Variants in OPTN observed in about 807,000 individuals in gnomAD.
OPTN encodes the protein E3-14.7K-interacting protein.
In OPTN, 54 loss-of-function variants were observed where a neutral mutation model predicts 70.4. The ratio of observed to expected loss-of-function variants is 0.77; its 90% confidence interval spans 0.62 to 0.96. The LOEUF (loss-of-function observed/expected upper bound fraction) is 0.96. OPTN is among the 40% of genes least tolerant of loss of function. The pLI is 0.00. For missense variants in OPTN, 624 were observed against 673.2 expected, an observed-to-expected ratio of 0.93 and a Z score of 0.81; for synonymous variants, 256 against 248.5, an observed-to-expected ratio of 1.03 and a Z score of -0.28.
chr10:13,101,694 G>A (rs936354573), intron 1 of OPTN, among the ~76,000 whole-genome samples: 28 of 152,164 alleles, frequency 1.8e-4, no homozygotes, highest in African/African-American at 6.3e-4. Flanking sequence ...TGTGTATGAG[G>A]AGCATTAGAA....
chr10:13,126,065 A>T (rs1394799126), intron 11 of OPTN, 26 bp downstream of exon 11: 1 of 1,333,838 alleles, frequency 7.5e-7, no homozygotes. Flanking sequence ...AATTACTTCC[A>T]TAGCCTAGTA....
At position 13,109,743 on chromosome 10, in the gene OPTN, G is replaced by C. The variant is rs116482974; in HGVS notation, c.166+455G>C. 528 of 170,486 alleles carry C rather than the reference G, an allele frequency of 3.1e-3. 4 individuals are homozygous for C. The highest frequency in any genetic ancestry group is 0.012 in the African/African-American group (507 of 41,130). 10.6% of individuals were successfully genotyped at this position (170,486 alleles called of 1,614,324 possible). ...CTAGCTACTGGGGATGCTGAGGTTGGAGGATTGCTTGAGCCTGGGAAGTTG... is the reference window on the plus strand; with the variant it reads ...CTAGCTACTGGGGATGCTGAGGTTGCAGGATTGCTTGAGCCTGGGAAGTTG... On this transcript the variant is annotated intron_variant, in intron 3 of 14. Transcript: ENST00000378747.
At chr10:13,115,253 T>A (rs371338705) in intron 5 of OPTN, among the ~76,000 whole-genome samples, 12 of 10,624 alleles carry the variant, frequency 1.1e-3, no homozygotes, top group African/African-American at 1.7e-3. Context: ...ATATCTATAT[T>A]TATATCTATA....
At chr10:13,121,113 A>G (rs1212819314) in intron 7 of OPTN, among the ~76,000 whole-genome samples, 1 of 151,640 alleles carries the variant, frequency 6.6e-6, no homozygotes. Context: ...GGGGATTACA[A>G]TTCAAGATGA....
rs1469731342 is a variant in OPTN, at chr10:13,110,484, G to A, written c.369+8G>A. ...TCAGAAAGGTCATCTGAGGTGAGCA[G>A]ACCGATCCATTGTGATGTTGTTTTT... On this transcript the variant is annotated splice_region_variant and intron_variant, in intron 4 of 14. Coordinates refer to ENST00000378747, the MANE Select transcript of OPTN (RefSeq NM_001008212.2). The A allele has an allele frequency of 1.2e-6, 2 of 1,605,352 alleles. No individual in the cohort carries two copies. Among genetic ancestry groups the A allele is most frequent in the South Asian group, 2.2e-5 (2 of 90,280 alleles).
chr10:13,110,371 A>G lies in OPTN; in HGVS notation c.264A>G (p.Ile88Met). Residue 88 changes from isoleucine to methionine, a missense_variant, in exon 4 of 15, where the codon ATA (isoleucine) becomes ATG (methionine). By Grantham distance (10) the Ile-to-Met change is conservative. Coordinates refer to ENST00000378747, the MANE Select transcript of OPTN (RefSeq NM_001008212.2). Reference protein sequence around the residue: ...KQKEERQFFEIQSKEAKERLM... With the variant: ...KQKEERQFFEMQSKEAKERLM... ...AGGAAGAACGCCAGTTTTTTGAGAT[A>G]CAGAGCAAAGAAGCAAAAGAGCGTC... 6.2e-7 allele frequency: 1 copy of G among 1,614,190 alleles called. No homozygotes were observed. The highest frequency in any genetic ancestry group is 8.5e-7 in the Non-Finnish European group (1 of 1,180,028).
rs10906303 is a variant in OPTN at position 13,109,354 on chromosome 10, A to G, written c.166+66A>G. On this transcript the variant is annotated intron_variant, in intron 3 of 14. Transcript: ENST00000378747. ...CCTGCAAGAAATGCCATCCCTTTGC[A>G]CTAAGGCTTGGTGGTGAGCTCCCTT... 0.26 allele frequency: 406,303 copies of G among 1,541,178 alleles called. 56,204 individuals carry two copies. The highest frequency in any genetic ancestry group is 0.34 in the Middle Eastern group (1,888 of 5,488).
rs138369463 is a variant in OPTN at position 13,134,618 on chromosome 10, G to C, written c.1612+1037G>C. On this transcript the variant is annotated intron_variant, in intron 14 of 14. Coordinates refer to ENST00000378747, the MANE Select transcript of OPTN (RefSeq NM_001008212.2). The stretch of plus-strand genomic sequence containing the variant: ...TGGCTAATTTATTTTAGTAGAGACA[G>C]GGTTTCACCATGTTGGCCAGGCTGG... Among the ~76,000 whole-genome samples the C allele has an allele frequency of 5.4e-3, 815 of 152,238 alleles. 8 individuals are homozygous for C. Among genetic ancestry groups the C allele is most frequent in the African/African-American group, 0.018 (746 of 41,534 alleles).
At chr10:13,131,937 T>C (rs1277983975) in intron 12 of OPTN, 130 bp from the exon 13 acceptor site, 3 of 858,210 alleles carry the variant, frequency 3.5e-6, no homozygotes, top group Non-Finnish European at 5.6e-6. Context: ...TACTGTTTTC[T>C]AGCAGGATTG....
intron 5 of OPTN, 137 bp downstream of exon 5, chr10:13,112,772 C>T: frequency 1.2e-6 from 1 of 837,406 alleles, no homozygotes; most frequent in East Asian, 2.5e-5. Context: ...AATTGGCTCT[C>T]ATTTTCTAAG....
chr10:13,128,036 T>C, intron 12 of OPTN, 133 bp downstream of exon 12: 1 of 1,052,834 alleles, frequency 9.5e-7, no homozygotes, highest in Non-Finnish European at 1.4e-6. Context: ...GTATTAAAAC[T>C]TTAAAATTGA....
intron 12 of OPTN, among the ~76,000 whole-genome samples, chr10:13,129,164 A>G (rs987046970): frequency 3.5e-4 from 53 of 152,120 alleles, no homozygotes; most frequent in African/African-American, 1.2e-3. Context: ...GTAAATATTT[A>G]TTTTTTTCCT....
chr10:13,112,416 T>C, intron 4 of OPTN, 37 bp from the exon 5 acceptor site: 1 of 1,602,540 alleles, frequency 6.2e-7, no homozygotes, highest in Non-Finnish European at 8.5e-7. Context: ...AGCCTTAGTT[T>C]GATCTGTTCA....
chr10:13,119,017 T>A lies in OPTN; in HGVS notation c.756T>A (p.Val252=), dbSNP rs1833282665. The change falls in exon 7 of 15, where the codon GTT becomes GTA. Residue 252 remains valine, a synonymous_variant. Transcript: ENST00000378747. ...EGNQKVERLE[V]ALKEAKERVS... Reference sequence around the variant, plus strand: ...ATCAGAAGGTGGAGAGACTTGAAGTTGCACTCAAGGAGGCCAAAGAAAGGT... The same window carrying A: ...ATCAGAAGGTGGAGAGACTTGAAGTAGCACTCAAGGAGGCCAAAGAAAGGT... 6.2e-7 allele frequency: 1 copy of A among 1,614,204 alleles called. No homozygotes were observed. The highest frequency in any genetic ancestry group is 1.1e-5 in the South Asian group (1 of 91,082).
At chr10:13,126,208 A>G (rs1833456378) in intron 11 of OPTN, among the ~76,000 whole-genome samples, 169 bp downstream of exon 11, 1 of 151,758 alleles carries the variant, frequency 6.6e-6, no homozygotes, top group South Asian at 2.1e-4. Flanking sequence ...GATGTTCCAC[A>G]TATGTGTAAT....
intron 13 of OPTN, among the ~76,000 whole-genome samples, chr10:13,132,812 T>G (rs997357920): frequency 1.3e-5 from 2 of 152,210 alleles, no homozygotes; most frequent in African/African-American, 4.8e-5. Flanking sequence ...AGAAATTTAT[T>G]TTGAGAAAGT....
intron 1 of OPTN, among the ~76,000 whole-genome samples, chr10:13,106,375 C>A (rs1264503219): frequency 1.3e-5 from 2 of 152,214 alleles, no homozygotes; most frequent in Non-Finnish European, 2.9e-5. Flanking sequence ...GAAGAGCAGT[C>A]TGTTCTAGTC....
At chr10:13,129,377 A>G (rs1213642413) in intron 12 of OPTN, among the ~76,000 whole-genome samples, 1 of 150,024 alleles carries the variant, frequency 6.7e-6, no homozygotes, top group Non-Finnish European at 1.5e-5. Context: ...TTTTTGAGAC[A>G]GAGTCTAGCT....
chr10:13,124,847 T>C (rs1039090889), intron 9 of OPTN, among the ~76,000 whole-genome samples: 1 of 152,210 alleles, frequency 6.6e-6, no homozygotes, highest in Non-Finnish European at 1.5e-5. Flanking sequence ...GTCTTGGCAT[T>C]TGTAAATTGT....
Sources: allele counts gnomAD v4.1 joint callset (sites outside exome capture counted in the v4.1 genomes callset), GRCh38; gene constraint gnomAD v4.1.1; transcripts MANE v1.5; gene names NCBI Gene and HGNC (gene_info 2026-07-23, HGNC 2026-07-21).